CTSB: variants seen among roughly 807,000 people sequenced by gnomAD.
CTSB encodes APP secretase.
In CTSB, 57 loss-of-function variants were observed where a neutral mutation model predicts 44.3. The ratio of observed to expected loss-of-function variants is 1.29; its 90% confidence interval spans 1.04 to 1.60. The LOEUF (loss-of-function observed/expected upper bound fraction) is 1.60, where lower values mean the gene tolerates loss of function less well. Ranked by LOEUF, CTSB falls within the 40% of genes most tolerant of loss-of-function variation. CTSB has a pLI of 0.00. For missense variants in CTSB, 768 were observed against 443.0 expected (o/e 1.73, Z -6.59); for synonymous variants, 320 against 168.0 (o/e 1.91, Z -7.00).
chr8:11,867,358 T>C (rs1028950508), intron 1 of CTSB: 3 of 152,514 alleles, frequency 2.0e-5, no homozygotes, highest in African/African-American at 4.8e-5. Context: ...CAATCGCCCA[T>C]TCGCCTCTTG....
chr8:11,845,193 G>C lies in CTSB; in HGVS notation c.952C>G (p.His318Asp). Residue 318 changes from histidine to aspartate, a missense_variant, in exon 10 of 10, where the codon CAC (histidine) becomes GAC (aspartate). Physicochemically the swap from His to Asp is moderately conservative, Grantham distance 81 (BLOSUM62 -1). Coordinates refer to ENST00000353047, the MANE Select transcript of CTSB (RefSeq NM_001908.5). ...GFFKILRGQD[H>D]CGIESEVVAG... The stretch of plus-strand genomic sequence containing the variant: ...ACCACTTCTGATTCGATTCCACAGT[G>C]ATCCTGTCCTCTGAGTATTTTAAAG... 6.2e-7 allele frequency: 1 copy of C among 1,613,744 alleles called. No homozygotes were observed. Among genetic ancestry groups the C allele is most frequent in the Non-Finnish European group, 8.5e-7 (1 of 1,179,644 alleles).
rs550769480 is a variant in CTSB at position 11,854,035 on chromosome 8, GGC to G, written c.-25-558_-25-557del. Reference sequence around the variant, plus strand: ...TCTCTGGTTTTTCCAGTCAGCCAAGGGCTCTGCTTCCGGCTGCGGAGATGAGG... The same window carrying G: ...TCTCTGGTTTTTCCAGTCAGCCAAGGTCTGCTTCCGGCTGCGGAGATGAGG... On this transcript the variant is annotated intron_variant, in intron 1 of 9. Transcript: ENST00000353047. Among the ~76,000 whole-genome samples the G allele has an allele frequency of 2.5e-3, 381 of 152,282 alleles. 2 individuals carry two copies. The highest frequency in any genetic ancestry group is 8.6e-3 in the African/African-American group (356 of 41,546).
intron 2 of CTSB, 86 bp downstream of exon 2, chr8:11,853,243 G>A: frequency 6.5e-7 from 1 of 1,548,998 alleles, no homozygotes. Flanking sequence ...GTGGGCCACA[G>A]TGAGGGCTGG....
At chr8:11,862,678 C>A (rs746457296) in intron 1 of CTSB, among the ~76,000 whole-genome samples, 1 of 152,232 alleles carries the variant, frequency 6.6e-6, no homozygotes, top group East Asian at 1.9e-4. Context: ...ATGGGAAAAG[C>A]CTGTGGCTGG....
chr8:11,845,848 AC>A, intron 8 of CTSB, 59 bp from the exon 9 acceptor site: 13 of 1,513,626 alleles, frequency 8.6e-6, no homozygotes, highest in East Asian at 2.4e-5. Context: ...GCCCCACAGC[AC>A]CCCCCACACT....
Position 11,843,560 on chromosome 8 carries a change from G to A in CTSB, c.*1565C>T, listed in dbSNP as rs1006709972. ...AGTTCCTGACCAGCAATGCAAACCAGTGGCATACAAATTCAAAATACTGTA... is the reference window on the plus strand; with the variant it reads ...AGTTCCTGACCAGCAATGCAAACCAATGGCATACAAATTCAAAATACTGTA... On this transcript the variant is annotated 3_prime_UTR_variant, in exon 10 of 10. Transcript: ENST00000353047. 8 of 152,266 alleles carry A rather than the reference G, an allele frequency of 5.3e-5. No homozygotes were observed. Among genetic ancestry groups the A allele is most frequent in the African/African-American group, 1.9e-4 (8 of 41,466 alleles). The allele number at this position is 152,266 out of a possible 1,614,324, so 9.4% of individuals were successfully genotyped here.
intron 1 of CTSB, among the ~76,000 whole-genome samples, chr8:11,860,432 G>A (rs896364593): frequency 6.6e-6 from 1 of 152,118 alleles, no homozygotes; most frequent in African/African-American, 2.4e-5. Context: ...GACCAGCCTG[G>A]CTAACATGGT....
chr8:11,862,381 A>G (rs1400717457), intron 1 of CTSB: 1 of 152,118 alleles, frequency 6.6e-6, no homozygotes, highest in African/African-American at 2.4e-5. Context: ...TCTGGGAGAA[A>G]CTTCCTCAGT....
intron 1 of CTSB, among the ~76,000 whole-genome samples, chr8:11,863,973 T>A (rs905775137): frequency 1.3e-5 from 2 of 152,140 alleles, no homozygotes; most frequent in Non-Finnish European, 2.9e-5. Context: ...AGGATATTTA[T>A]TGTAGCATGG....
At chr8:11,846,472 A>C (rs1365835996) in intron 8 of CTSB, 1 of 152,692 alleles carries the variant, frequency 6.5e-6, no homozygotes, top group Non-Finnish European at 1.5e-5. Context: ...CAGTCAGCAA[A>C]GACTGTTCAT....
In CTSB at chr8:11,861,203, G is replaced by A. The variant is rs1010505747; in HGVS notation, c.-26+6798C>T. Among the ~76,000 whole-genome samples, 3 of 152,222 alleles carry A rather than the reference G, an allele frequency of 2.0e-5. No individual in the cohort carries two copies. The East Asian group carries it at 5.8e-4, about 29-fold the overall frequency. On this transcript the variant is annotated intron_variant, in intron 1 of 9. Coordinates refer to ENST00000353047, the MANE Select transcript of CTSB (RefSeq NM_001908.5). The stretch of plus-strand genomic sequence containing the variant: ...GGCACCAGAGGCCCATCTGTCCCAT[G>A]GAGCAGGCTCCCTGCAGCTGTAGCC...
chr8:11,865,740 T>C (rs1817032542), intron 1 of CTSB, among the ~76,000 whole-genome samples: 1 of 148,936 alleles, frequency 6.7e-6, no homozygotes, highest in South Asian at 2.1e-4. Context: ...CACCGCGCGG[T>C]GGCTCATGCC....
intron 6 of CTSB, 72 bp downstream of exon 6, chr8:11,847,995 C>G: frequency 1.4e-6 from 2 of 1,414,464 alleles, no homozygotes; most frequent in Middle Eastern, 2.2e-4. Context: ...TTTATAAAGG[C>G]AAATAAAGCC....
At chr8:11,850,817 T>C (rs1284804121) in intron 4 of CTSB, 49 bp downstream of exon 4, 1 of 1,376,130 alleles carries the variant, frequency 7.3e-7, no homozygotes, top group Admixed American at 1.8e-5. Flanking sequence ...TCTCCAGTGT[T>C]GCTCCCACTT....
At chr8:11,856,933 G>C (rs1175977286) in intron 1 of CTSB, among the ~76,000 whole-genome samples, 1 of 151,952 alleles carries the variant, frequency 6.6e-6, no homozygotes, top group African/African-American at 2.4e-5. Flanking sequence ...TATTACTAAA[G>C]GCCCTGAGCC....
At chr8:11,848,829 G>T (rs1173928560) in intron 5 of CTSB, 9 of 477,274 alleles carry the variant, frequency 1.9e-5, no homozygotes, top group Middle Eastern at 5.9e-4. Flanking sequence ...TTGCTGGGAT[G>T]CCACCCCTCA....
At chr8:11,866,185 A>T (rs1817119986) in intron 1 of CTSB, among the ~76,000 whole-genome samples, 1 of 152,116 alleles carries the variant, frequency 6.6e-6, no homozygotes, top group Non-Finnish European at 1.5e-5. Context: ...TTCTCTTCCA[A>T]CTCCCAGGTC....
At chr8:11,854,324 T>A (rs1194821736) in intron 1 of CTSB, among the ~76,000 whole-genome samples, 1 of 152,106 alleles carries the variant, frequency 6.6e-6, no homozygotes, top group Non-Finnish European at 1.5e-5. Flanking sequence ...CTCCCACAGG[T>A]CACAGGTCGT....
At chr8:11,851,407 C>G (rs1206188475) in intron 3 of CTSB, among the ~76,000 whole-genome samples, 2 of 152,256 alleles carry the variant, frequency 1.3e-5, no homozygotes, top group South Asian at 2.1e-4. Context: ...CCAGGCTGGT[C>G]TTAAACTCCT....
Sources: allele counts gnomAD v4.1 joint callset (sites outside exome capture counted in the v4.1 genomes callset), GRCh38; gene constraint gnomAD v4.1.1; transcripts MANE v1.5; gene names NCBI Gene and HGNC (gene_info 2026-07-23, HGNC 2026-07-21).